Variants in DISC1 observed in about 807,000 individuals in gnomAD.
The protein encoded by DISC1 is disrupted in schizophrenia 1 protein.
Under a neutral mutation model 84.5 loss-of-function variants are expected in DISC1, and 57 were observed. The ratio of observed to expected loss-of-function variants is 0.67; its 90% confidence interval spans 0.55 to 0.84. DISC1 has a LOEUF of 0.84. DISC1 is among the 40% of genes least tolerant of loss of function. The pLI is 0.00. For missense variants in DISC1, 1,000 were observed against 1,057.8 expected, an observed-to-expected ratio of 0.95 and a Z score of 0.76; for synonymous variants, 411 against 415.2, an observed-to-expected ratio of 0.99 and a Z score of 0.12.
intron 10 of DISC1, among the ~76,000 whole-genome samples, chr1:231,992,341 A>G (rs1665318922): frequency 1.3e-5 from 2 of 151,240 alleles, no homozygotes; most frequent in Admixed American, 6.6e-5. Context: ...TTTTTTGCTT[A>G]TTTTCTTTTG....
intron 3 of DISC1, among the ~76,000 whole-genome samples, chr1:231,743,381 G>A (rs1414456194): frequency 1.3e-5 from 2 of 152,200 alleles, no homozygotes; most frequent in East Asian, 3.8e-4. Context: ...TAACTTGAAG[G>A]TCAGACAGCT....
intron 9 of DISC1, chr1:231,866,518 C>T: frequency 1.2e-6 from 1 of 810,036 alleles, no homozygotes; most frequent in South Asian, 1.3e-5. Flanking sequence ...TCACTACTAC[C>T]TTAGGATATA....
rs540003437 is a variant in DISC1, at chr1:231,739,471, C to T, written c.1118-10455C>T. Among the ~76,000 whole-genome samples the T allele has an allele frequency of 2.0e-5, 3 of 152,356 alleles. No homozygotes were observed. In the South Asian group the frequency reaches 6.2e-4, roughly 32 times the overall value. ...CATCACCACGTGTGCTGCCAGATGC[C>T]TCTGTGTGGCAGCCCCTGCATCCTT... On this transcript the variant is annotated intron_variant, in intron 3 of 12. Transcript: ENST00000439617.
chr1:232,034,579 T>G (rs1215269412), intron 12 of DISC1, among the ~76,000 whole-genome samples: 1 of 152,222 alleles, frequency 6.6e-6, no homozygotes, highest in Non-Finnish European at 1.5e-5. Flanking sequence ...TCCAGAAGAT[T>G]TATCAGTTTT....
chr1:231,816,016 T>C (rs2080934258), intron 8 of DISC1, among the ~76,000 whole-genome samples: 1 of 152,204 alleles, frequency 6.6e-6, no homozygotes, highest in Non-Finnish European at 1.5e-5. Context: ...AAAGGGTAGG[T>C]ATACATTGAA....
chr1:231,883,858 T>G (rs1311129576), intron 9 of DISC1, among the ~76,000 whole-genome samples: 2 of 152,166 alleles, frequency 1.3e-5, no homozygotes, highest in African/African-American at 2.4e-5. Context: ...TTGTGAATTC[T>G]AGAATTCTGC....
intron 2 of DISC1, among the ~76,000 whole-genome samples, chr1:231,697,749 G>A (rs1291755212): frequency 6.6e-6 from 1 of 151,804 alleles, no homozygotes; most frequent in Non-Finnish European, 1.5e-5. Flanking sequence ...ATGCCTGGTG[G>A]TAATTTTGAA....
chr1:231,715,305 G>C (rs945071460), intron 3 of DISC1, among the ~76,000 whole-genome samples: 1 of 152,172 alleles, frequency 6.6e-6, no homozygotes, highest in Admixed American at 6.5e-5. Context: ...GAATGATTGA[G>C]AGCAGCATAT....
At chr1:231,849,379 C>CG (rs1164282549) in intron 9 of DISC1, among the ~76,000 whole-genome samples, 2 of 152,134 alleles carry the variant, frequency 1.3e-5, no homozygotes, top group African/African-American at 4.8e-5. Context: ...CTCGGCCTCC[C>CG]AAAGTGCTGG....
chr1:231,859,838 G>A (rs7554237), intron 9 of DISC1, among the ~76,000 whole-genome samples: 7,956 of 152,226 alleles, frequency 0.052, 695 homozygotes, highest in African/African-American at 0.18. Flanking sequence ...CAGATTTTGT[G>A]TTAGTCGAAA....
intron 9 of DISC1, among the ~76,000 whole-genome samples, chr1:231,852,476 C>T (rs200551121): frequency 1.1e-3 from 171 of 152,342 alleles, no homozygotes; most frequent in Non-Finnish European, 2.0e-3. Flanking sequence ...CTTTTCTATG[C>T]ATCTTTCTTA....
intron 7 of DISC1, among the ~76,000 whole-genome samples, 183 bp from the exon 8 acceptor site, chr1:231,799,925 C>A: frequency 1.9e-3 from 1 of 524 alleles, no homozygotes; most frequent in Admixed American, 0.045. Context: ...CCCTTCCTCC[C>A]TTTCTCCCTC....
At chr1:231,664,116 A>G (rs938916284) in intron 1 of DISC1, among the ~76,000 whole-genome samples, 1 of 152,018 alleles carries the variant, frequency 6.6e-6, no homozygotes, top group African/African-American at 2.4e-5. Flanking sequence ...ACAACAGTCT[A>G]AGGAGAAGCT....
At chr1:231,822,714 C>T (rs1051565548) in intron 9 of DISC1, among the ~76,000 whole-genome samples, 2 of 152,150 alleles carry the variant, frequency 1.3e-5, no homozygotes, top group African/African-American at 4.8e-5. Context: ...AAAGGGAATT[C>T]TTTGGCTCAC....
intron 1 of DISC1, among the ~76,000 whole-genome samples, chr1:231,639,200 A>T (rs527792025): frequency 1.5e-4 from 23 of 152,330 alleles, no homozygotes; most frequent in African/African-American, 5.3e-4. Context: ...CTTTTCATGT[A>T]GATTGCGTGT....
chr1:231,984,108 A>G (rs1664060220), intron 10 of DISC1, among the ~76,000 whole-genome samples: 1 of 152,230 alleles, frequency 6.6e-6, no homozygotes, highest in African/African-American at 2.4e-5. Context: ...GTCATTACTG[A>G]TCTTTGAACA....
intron 4 of DISC1, among the ~76,000 whole-genome samples, chr1:231,758,854 C>T (rs1573567329): frequency 6.6e-6 from 1 of 152,298 alleles, no homozygotes; most frequent in East Asian, 1.9e-4. Flanking sequence ...TCCACTGGAT[C>T]TTCACCAATA....
chr1:231,655,092 C>T (rs1360404538), intron 1 of DISC1, among the ~76,000 whole-genome samples: 1 of 152,112 alleles, frequency 6.6e-6, no homozygotes, highest in Non-Finnish European at 1.5e-5. Context: ...GCTTGCAAAC[C>T]AACAAATTCT....
At chr1:231,724,242 G>A (rs201760408) in intron 3 of DISC1, among the ~76,000 whole-genome samples, 2 of 152,070 alleles carry the variant, frequency 1.3e-5, no homozygotes, top group Non-Finnish European at 1.5e-5. Context: ...GCCTGCCTGC[G>A]TGGGTCCTTG....
Sources: allele counts gnomAD v4.1 joint callset (sites outside exome capture counted in the v4.1 genomes callset), GRCh38; gene constraint gnomAD v4.1.1; transcripts MANE v1.5; gene names NCBI Gene and HGNC (gene_info 2026-07-23, HGNC 2026-07-21).